PSD3: variants seen among roughly 807,000 people sequenced by gnomAD.
PSD3 encodes the protein PH and SEC7 domain-containing protein 3.
Under a neutral mutation model 105.5 loss-of-function variants are expected in PSD3, and 49 were observed. The observed-to-expected ratio is 0.46, with a 90% CI of 0.37 to 0.59. The LOEUF is 0.59. Among genes scored for constraint, PSD3 ranks in the 20% least tolerant of loss-of-function variants. PSD3 has a pLI of 0.00. For missense variants in PSD3, 1,561 were observed against 1,263.8 expected, an observed-to-expected ratio of 1.24 and a Z score of -3.57; for synonymous variants, 557 against 457.8, an observed-to-expected ratio of 1.22 and a Z score of -2.77.
At chr8:18,756,379 T>C (rs2129441054) in intron 9 of PSD3, among the ~76,000 whole-genome samples, 1 of 152,324 alleles carries the variant, frequency 6.6e-6, no homozygotes, top group South Asian at 2.1e-4. Flanking sequence ...TGTGTAGTCC[T>C]TTGGGAATAA....
At chr8:18,951,894 G>A (rs1410034249) in intron 1 of PSD3, among the ~76,000 whole-genome samples, 2 of 151,990 alleles carry the variant, frequency 1.3e-5, no homozygotes, top group Non-Finnish European at 2.9e-5. Flanking sequence ...ATTTGAACCT[G>A]GGAAGCGGAG....
At chr8:18,812,540 C>CT (rs1287012384) in intron 4 of PSD3, among the ~76,000 whole-genome samples, 10 of 152,074 alleles carry the variant, frequency 6.6e-5, no homozygotes, top group African/African-American at 1.4e-4. Flanking sequence ...GCAGTAGGGG[C>CT]TATAGGTCCC....
At chr8:19,007,744 C>T (rs762858297) in intron 1 of PSD3, among the ~76,000 whole-genome samples, 4 of 152,178 alleles carry the variant, frequency 2.6e-5, no homozygotes, top group Non-Finnish European at 5.9e-5. Flanking sequence ...AAATCAACAG[C>T]ATAATAATAT....
At chr8:19,025,028 G>A (rs1296383282) in intron 1 of PSD3, among the ~76,000 whole-genome samples, 1 of 152,136 alleles carries the variant, frequency 6.6e-6, no homozygotes, top group Admixed American at 6.6e-5. Context: ...ATTCCAAGCA[G>A]CAGTCTCATG....
intron 1 of PSD3, among the ~76,000 whole-genome samples, chr8:18,987,858 T>C (rs1825587852): frequency 6.6e-6 from 1 of 151,864 alleles, no homozygotes; most frequent in South Asian, 2.1e-4. Flanking sequence ...TTTTGCAAAA[T>C]GAGCTGCAAT....
At position 19,070,206 on chromosome 8, in the gene PSD3, G is replaced by A. The variant is rs539966895; in HGVS notation, c.324+14000C>T. On this transcript the variant is annotated intron_variant, in intron 1 of 1. Transcript: ENST00000521475. ...GAGGCATAAAGACTTACAGAAAATT[G>A]TCCTGTAGATAGCATTCGTTTTTAA... is the stretch of plus-strand genomic sequence containing the variant. Among the ~76,000 whole-genome samples the A allele has an allele frequency of 1.1e-3, 163 of 152,040 alleles. 1 individual carries two copies. Among genetic ancestry groups the A allele is most frequent in the African/African-American group, 2.5e-3 (105 of 41,496 alleles).
intron 4 of PSD3, among the ~76,000 whole-genome samples, chr8:18,850,902 G>T (rs189614662): frequency 6.6e-6 from 1 of 152,228 alleles, no homozygotes; most frequent in African/African-American, 2.4e-5. Flanking sequence ...GCTGGGCACA[G>T]AAACTCTATT....
At chr8:18,636,346 T>C (rs934432523) in intron 10 of PSD3, among the ~76,000 whole-genome samples, 1 of 152,326 alleles carries the variant, frequency 6.6e-6, no homozygotes, top group Middle Eastern at 3.4e-3. Context: ...AAAATAAGGA[T>C]ATAATGTTTT....
intron 4 of PSD3, among the ~76,000 whole-genome samples, chr8:18,805,366 C>G (rs908889539): frequency 5.3e-5 from 8 of 152,134 alleles, no homozygotes; most frequent in Admixed American, 2.0e-4. Flanking sequence ...CAGTTGAATT[C>G]TAAGAGCCAT....
intron 4 of PSD3, among the ~76,000 whole-genome samples, chr8:18,814,770 C>T (rs1402484005): frequency 6.6e-6 from 1 of 152,152 alleles, no homozygotes; most frequent in East Asian, 1.9e-4. Flanking sequence ...AAGAGTGACT[C>T]ACTTACAGTC....
intron 1 of PSD3, among the ~76,000 whole-genome samples, chr8:18,957,695 C>A (rs1253305825): frequency 2.0e-5 from 3 of 152,224 alleles, no homozygotes; most frequent in African/African-American, 7.2e-5. Flanking sequence ...CCAACATCCT[C>A]TCAGATCCTG....
intron 9 of PSD3, among the ~76,000 whole-genome samples, chr8:18,752,495 AT>A (rs1805584029): frequency 7.2e-4 from 12 of 16,656 alleles, no homozygotes; most frequent in South Asian, 1.9e-3. Flanking sequence ...TATATATAAT[AT>A]ATATAATATA....
intron 9 of PSD3, chr8:18,734,403 A>G (rs1391432528): frequency 1.3e-5 from 2 of 152,196 alleles, no homozygotes; most frequent in Non-Finnish European, 2.9e-5. Flanking sequence ...CTCCCAAGTA[A>G]AAGTCCTTTT....
intron 15 of PSD3, among the ~76,000 whole-genome samples, chr8:18,549,241 G>A (rs1002828185): frequency 2.7e-5 from 4 of 148,276 alleles, no homozygotes; most frequent in African/African-American, 7.6e-5. Context: ...GAGTGCAATG[G>A]CATGATCTCG....
intron 9 of PSD3, among the ~76,000 whole-genome samples, chr8:18,667,103 T>C (rs764840949): frequency 2.0e-5 from 3 of 152,112 alleles, no homozygotes; most frequent in Non-Finnish European, 4.4e-5. Flanking sequence ...AAAGGCAGTG[T>C]GGAAGGGGAC....
At chr8:18,805,352 A>G (rs149485521) in intron 4 of PSD3, among the ~76,000 whole-genome samples, 1 of 152,346 alleles carries the variant, frequency 6.6e-6, no homozygotes, top group Non-Finnish European at 1.5e-5. Flanking sequence ...GGCTTACTAC[A>G]AGACAGTTGA....
At chr8:18,602,128 C>CTT in intron 11 of PSD3, among the ~76,000 whole-genome samples, 1 of 152,150 alleles carries the variant, frequency 6.6e-6, no homozygotes, top group Non-Finnish European at 1.5e-5. Context: ...AGCCATAGGT[C>CTT]CTGAAGTACA....
At chr8:18,845,321 G>A (rs1196618573) in intron 4 of PSD3, among the ~76,000 whole-genome samples, 11 of 152,126 alleles carry the variant, frequency 7.2e-5, no homozygotes, top group East Asian at 3.9e-4. Context: ...GAAACCCTGC[G>A]TCTCCTGGAG....
At chr8:18,774,754 AGGCAACAGATTTG>A (rs1366734136) in intron 8 of PSD3, 1 of 384,154 alleles carries the variant, frequency 2.6e-6, no homozygotes, top group Non-Finnish European at 5.2e-6. Flanking sequence ...GTGAGAACAC[AGGCAACAGATTTG>A]GAAATGACTA....
Sources: gnomAD v4.1 joint callset for allele counts (sites outside exome capture counted in the v4.1 genomes callset) on GRCh38, gnomAD v4.1.1 for gene constraint, MANE v1.5 for transcripts, NCBI Gene and HGNC (gene_info 2026-07-23, HGNC 2026-07-21) for gene names.